Variants in GNAL observed in about 807,000 individuals in gnomAD.
The protein encoded by GNAL is guanine nucleotide-binding protein G(olf) subunit alpha.
In GNAL, 18 loss-of-function variants were observed where a neutral mutation model predicts 55.1. That is an observed-to-expected ratio of 0.33 (90% CI 0.23 to 0.48). The LOEUF is 0.48. Ranked by LOEUF, GNAL falls within the 20% of genes least tolerant of loss-of-function variation. The pLI, the probability that GNAL is intolerant of heterozygous loss-of-function variation, is 0.99. For synonymous variants in GNAL, 253 were observed against 237.0 expected (o/e 1.07, Z -0.62); for missense variants, 412 against 614.1 (o/e 0.67, Z 3.48).
chr18:11,726,091 G>T (rs1482511788), intron 1 of GNAL, among the ~76,000 whole-genome samples: 1 of 152,210 alleles, frequency 6.6e-6, no homozygotes, highest in Admixed American at 6.5e-5. Flanking sequence ...TTTCTGGGCT[G>T]TCTCTTCCAT....
intron 1 of GNAL, among the ~76,000 whole-genome samples, chr18:11,724,724 G>A (rs994914003): frequency 2.6e-5 from 4 of 152,180 alleles, no homozygotes; most frequent in Non-Finnish European, 4.4e-5. Context: ...ATGGAGTGCT[G>A]CTGTGCACGC....
At chr18:11,855,269 C>T (rs1055635479) in intron 5 of GNAL, among the ~76,000 whole-genome samples, 4 of 151,740 alleles carry the variant, frequency 2.6e-5, no homozygotes, top group African/African-American at 9.7e-5. Flanking sequence ...ATTGTTTCTT[C>T]ATAACTACAA....
At chr18:11,806,187 A>C (rs139491747) in intron 4 of GNAL, among the ~76,000 whole-genome samples, 216 of 152,250 alleles carry the variant, frequency 1.4e-3, no homozygotes, top group African/African-American at 5.0e-3. Context: ...CCACTTTTTA[A>C]TGGGATTATT....
intron 4 of GNAL, among the ~76,000 whole-genome samples, chr18:11,766,709 A>T (rs2033416225): frequency 6.6e-6 from 1 of 152,224 alleles, no homozygotes; most frequent in South Asian, 2.1e-4. Context: ...ATTAGCTGGA[A>T]ACTGCTTGGG....
At chr18:11,697,759 C>T (rs978012937) in intron 1 of GNAL, among the ~76,000 whole-genome samples, 1 of 142,038 alleles carries the variant, frequency 7.0e-6, no homozygotes, top group African/African-American at 3.1e-5. Context: ...GGACATTCTC[C>T]GAGTAAGGAA....
chr18:11,750,524 G>A (rs2032792989), intron 1 of GNAL, among the ~76,000 whole-genome samples: 1 of 152,144 alleles, frequency 6.6e-6, no homozygotes, highest in Non-Finnish European at 1.5e-5. Flanking sequence ...GGATGCACCG[G>A]CCAGAGGGAC....
intron 4 of GNAL, among the ~76,000 whole-genome samples, chr18:11,762,605 G>C (rs1447787788): frequency 2.0e-5 from 3 of 152,208 alleles, no homozygotes; most frequent in Non-Finnish European, 2.9e-5. Flanking sequence ...GTGCTTCAGG[G>C]TGGGTGGCAC....
chr18:11,878,375 T>G (rs1202140940), intron 11 of GNAL, among the ~76,000 whole-genome samples: 1 of 152,082 alleles, frequency 6.6e-6, no homozygotes, highest in Non-Finnish European at 1.5e-5. Flanking sequence ...CCCTTGAGCC[T>G]AGGAATTTGA....
intron 4 of GNAL, among the ~76,000 whole-genome samples, chr18:11,792,868 C>T (rs1041138914): frequency 1.3e-5 from 2 of 152,200 alleles, no homozygotes; most frequent in African/African-American, 4.8e-5. Context: ...ACTACCAAAT[C>T]CCTTAGTAAC....
intron 1 of GNAL, among the ~76,000 whole-genome samples, chr18:11,737,641 C>T (rs1283650334): frequency 6.6e-6 from 1 of 152,202 alleles, no homozygotes; most frequent in Non-Finnish European, 1.5e-5. Context: ...GTGCCAGGGC[C>T]ACCCCACATA....
chr18:11,878,328 G>A (rs1026562772), intron 11 of GNAL, among the ~76,000 whole-genome samples: 2 of 152,172 alleles, frequency 1.3e-5, no homozygotes, highest in African/African-American at 2.4e-5. Flanking sequence ...GCACAGGCGT[G>A]TAGTCCCAGC....
intron 5 of GNAL, chr18:11,851,320 A>T (rs1439840808): frequency 4.6e-6 from 3 of 651,668 alleles, no homozygotes; most frequent in Middle Eastern, 4.2e-4. Flanking sequence ...CACAGGCCCC[A>T]CCCCGGCGCC....
intron 4 of GNAL, among the ~76,000 whole-genome samples, chr18:11,805,188 A>G: frequency 3.6e-5 from 5 of 138,504 alleles, no homozygotes; most frequent in East Asian, 2.2e-4. Context: ...GTAGTGGTGA[A>G]GTACAGGTGC....
chr18:11,757,629 G>A (rs531838237), intron 4 of GNAL, among the ~76,000 whole-genome samples: 9 of 152,286 alleles, frequency 5.9e-5, no homozygotes, highest in African/African-American at 1.7e-4. Flanking sequence ...GACTCTGAGC[G>A]TTTGGGTCTG....
At chr18:11,857,418 A>C (rs2036032985) in intron 5 of GNAL, 1 of 865,512 alleles carries the variant, frequency 1.2e-6, no homozygotes, top group African/African-American at 1.8e-5. Context: ...TTTTGACTGG[A>C]GTGGAGGGTT....
chr18:11,690,670 TCA>T (rs2031219758), intron 1 of GNAL, among the ~76,000 whole-genome samples: 2 of 140,702 alleles, frequency 1.4e-5, no homozygotes, highest in Admixed American at 1.6e-4. Context: ...CCATGTGTTC[TCA>T]TTGTTCAATT....
At chr18:11,869,851 G>A (rs566865742) in intron 9 of GNAL, among the ~76,000 whole-genome samples, 14 of 152,278 alleles carry the variant, frequency 9.2e-5, no homozygotes, top group African/African-American at 3.4e-4. Flanking sequence ...GGAGGTTACA[G>A]TAAGCTGCGA....
At chr18:11,825,379 G>T (rs983360982) in intron 5 of GNAL, among the ~76,000 whole-genome samples, 2 of 152,028 alleles carry the variant, frequency 1.3e-5, no homozygotes, top group Non-Finnish European at 2.9e-5. Context: ...AAAATAATAC[G>T]AACCTTGTGA....
intron 1 of GNAL, among the ~76,000 whole-genome samples, chr18:11,736,022 A>G (rs1445051979): frequency 6.6e-6 from 1 of 152,150 alleles, no homozygotes; most frequent in Non-Finnish European, 1.5e-5. Context: ...TTGTCCCGCA[A>G]CTTACTCTGG....
Sources: allele counts gnomAD v4.1 joint callset (sites outside exome capture counted in the v4.1 genomes callset), GRCh38; gene constraint gnomAD v4.1.1; transcripts MANE v1.5; gene names NCBI Gene and HGNC (gene_info 2026-07-23, HGNC 2026-07-21).